AUTS2: variants seen among roughly 807,000 people sequenced by gnomAD.
AUTS2 encodes activator of transcription and developmental regulator AUTS2, also known as autism susceptibility gene 2 protein.
A neutral mutation model predicts 112.4 loss-of-function variants in AUTS2; 17 were observed. That is an observed-to-expected ratio of 0.15 (90% CI 0.10 to 0.23). The LOEUF is 0.23. AUTS2 is among the 10% of genes least tolerant of loss of function. The probability of loss-of-function intolerance (pLI) is 1.00; values close to 1 mark genes in which losing one functional copy is unlikely to be tolerated. For synonymous variants in AUTS2, 751 were observed against 702.7 expected (o/e 1.07, Z -1.09); for missense variants, 1,510 against 1,701.6 (o/e 0.89, Z 1.98).
chr7:70,422,499 A>G (rs1795264152), intron 4 of AUTS2, among the ~76,000 whole-genome samples: 2 of 152,188 alleles, frequency 1.3e-5, no homozygotes, highest in African/African-American at 4.8e-5. Context: ...CATGTCAGCC[A>G]GGCATAGTGG....
intron 4 of AUTS2, among the ~76,000 whole-genome samples, chr7:70,276,657 G>T (rs1271686954): frequency 6.6e-6 from 1 of 152,138 alleles, no homozygotes; most frequent in East Asian, 1.9e-4. Context: ...GGGATTACAG[G>T]TGTGAGCCAC....
chr7:70,416,685 A>G (rs1302041520), intron 4 of AUTS2, among the ~76,000 whole-genome samples: 1 of 152,088 alleles, frequency 6.6e-6, no homozygotes, highest in African/African-American at 2.4e-5. Flanking sequence ...CTCGCCTACA[A>G]CCTCATCCCA....
chr7:70,700,770 G>A, intron 6 of AUTS2, among the ~76,000 whole-genome samples: 1 of 152,158 alleles, frequency 6.6e-6, no homozygotes, highest in Non-Finnish European at 1.5e-5. Context: ...GTGGTTTTGG[G>A]TCTGTTTTTA....
chr7:70,336,974 C>T (rs1258052106), intron 4 of AUTS2, among the ~76,000 whole-genome samples: 1 of 152,134 alleles, frequency 6.6e-6, no homozygotes, highest in African/African-American at 2.4e-5. Context: ...GCTTACTAAA[C>T]CTCTTTCATT....
intron 2 of AUTS2, among the ~76,000 whole-genome samples, chr7:69,936,959 G>C (rs1440659191): frequency 6.6e-6 from 1 of 151,132 alleles, no homozygotes; most frequent in Non-Finnish European, 1.5e-5. Context: ...CCCGCTCCCT[G>C]TTCTCTCTTC....
At chr7:70,226,179 C>A (rs1156922874) in intron 4 of AUTS2, among the ~76,000 whole-genome samples, 1 of 151,874 alleles carries the variant, frequency 6.6e-6, no homozygotes, top group Non-Finnish European at 1.5e-5. Flanking sequence ...CTTGTAAAGG[C>A]TTCCCCACCC....
chr7:70,239,633 C>A (rs967709650), intron 4 of AUTS2, among the ~76,000 whole-genome samples: 9 of 152,042 alleles, frequency 5.9e-5, no homozygotes, highest in African/African-American at 2.2e-4. Context: ...CAGGGTTTCC[C>A]CATGTTGGCC....
At chr7:70,254,420 C>CTTCTTGTTT (rs139344861) in intron 4 of AUTS2, among the ~76,000 whole-genome samples, 45,276 of 151,858 alleles carry the variant, frequency 0.3, 6,950 homozygotes, top group Middle Eastern at 0.37. Flanking sequence ...CTACAAATAC[C>CTTCTTGTTT]TACAAAGACC....
chr7:70,006,224 G>C (rs185739508), intron 2 of AUTS2, among the ~76,000 whole-genome samples: 1 of 152,086 alleles, frequency 6.6e-6, no homozygotes, highest in Admixed American at 6.6e-5. Context: ...TTTCTTGAAG[G>C]ATACAACTGG....
chr7:70,331,833 G>A (rs1293305319), intron 4 of AUTS2, among the ~76,000 whole-genome samples: 1 of 152,184 alleles, frequency 6.6e-6, no homozygotes, highest in South Asian at 2.1e-4. Context: ...AATAATAAAA[G>A]CTATTTATGA....
chr7:70,046,960 A>T (rs976130931), intron 2 of AUTS2, among the ~76,000 whole-genome samples: 2 of 152,206 alleles, frequency 1.3e-5, no homozygotes, highest in Non-Finnish European at 2.9e-5. Flanking sequence ...ATAGGGCTAG[A>T]TAACCTGAGA....
intron 6 of AUTS2, among the ~76,000 whole-genome samples, chr7:70,743,200 G>T (rs1166863205): frequency 2.6e-5 from 4 of 152,050 alleles, no homozygotes; most frequent in Admixed American, 2.6e-4. Flanking sequence ...GGACACTGTG[G>T]CACACACCTG....
intron 6 of AUTS2, among the ~76,000 whole-genome samples, chr7:70,712,033 T>G (rs1585552640): frequency 9.6e-5 from 1 of 10,408 alleles, no homozygotes; most frequent in Admixed American, 1.4e-3. Flanking sequence ...TTTTCTTTCC[T>G]TTTTTTTTTG....
intron 5 of AUTS2, among the ~76,000 whole-genome samples, chr7:70,607,472 C>T (rs1803844512): frequency 6.6e-6 from 1 of 152,090 alleles, no homozygotes; most frequent in African/African-American, 2.4e-5. Context: ...AGACAAGAAG[C>T]AAGACAACTC....
chr7:70,519,997 A>G (rs886702183), intron 5 of AUTS2, among the ~76,000 whole-genome samples: 2 of 152,220 alleles, frequency 1.3e-5, no homozygotes, highest in African/African-American at 4.8e-5. Context: ...TTTATATATT[A>G]TAAATACAAA....
At chr7:70,543,098 A>G (rs1255001410) in intron 5 of AUTS2, among the ~76,000 whole-genome samples, 2 of 152,210 alleles carry the variant, frequency 1.3e-5, no homozygotes, top group African/African-American at 2.4e-5. Flanking sequence ...TTGTGGAAAT[A>G]TAATATAAGT....
chr7:70,209,215 A>C (rs892133160), intron 4 of AUTS2, among the ~76,000 whole-genome samples: 7 of 152,148 alleles, frequency 4.6e-5, no homozygotes, highest in African/African-American at 1.7e-4. Flanking sequence ...ATGGGATGTA[A>C]AGTAAAAAGA....
intron 6 of AUTS2, among the ~76,000 whole-genome samples, chr7:70,745,280 G>A (rs1017716651): frequency 6.6e-6 from 1 of 152,038 alleles, no homozygotes; most frequent in African/African-American, 2.4e-5. Context: ...GCTCCTCAGT[G>A]TTTCATTTCC....
chr7:70,162,135 A>G (rs1808106934), intron 4 of AUTS2, among the ~76,000 whole-genome samples: 1 of 152,132 alleles, frequency 6.6e-6, no homozygotes, highest in African/African-American at 2.4e-5. Context: ...AGAATTTCCT[A>G]TTCTGGATAG....
Sources: allele counts gnomAD v4.1 joint callset (sites outside exome capture counted in the v4.1 genomes callset), GRCh38; gene constraint gnomAD v4.1.1; transcripts MANE v1.5; gene names NCBI Gene and HGNC (gene_info 2026-07-23, HGNC 2026-07-21).